Variants in NAIF1 observed in about 807,000 individuals in gnomAD.
The protein encoded by NAIF1 is nuclear apoptosis-inducing factor 1.
In NAIF1, 14 loss-of-function variants were observed where a neutral mutation model predicts 20.7. The ratio of observed to expected loss-of-function variants is 0.67; its 90% CI spans 0.45 to 1.05. The LOEUF is 1.05. NAIF1 is among the 50% of genes least tolerant of loss of function. The pLI is 0.00. For synonymous variants in NAIF1, 191 were observed against 191.4 expected (o/e 1.00, Z 0.02); for missense variants, 362 against 448.8 (o/e 0.81, Z 1.75).
At position 128,063,424 on chromosome 9, in the gene NAIF1, G is replaced by A; in HGVS notation, c.*4C>T. 6.2e-7 allele frequency: 1 copy of A among 1,603,794 alleles called. No homozygotes were observed. Among genetic ancestry groups the A allele is most frequent in the Non-Finnish European group, 8.5e-7 (1 of 1,177,882 alleles). ...ATGGCAGAAGGCTGGCCTGACCCCT[G>A]CCCTCACTGGATGATGCTGTCTGGC... On this transcript the variant is annotated 3_prime_UTR_variant, in exon 2 of 2. Transcript: ENST00000373078. The surrounding 1 kb of genome is among the most constrained non-coding windows in gnomAD (Gnocchi z 4.3).
chr9:128,063,526 A>T lies in NAIF1; in HGVS notation c.886T>A (p.Phe296Ile). 1 of 1,610,318 alleles carries T rather than the reference A, an allele frequency of 6.2e-7. No homozygotes were observed. Among genetic ancestry groups the T allele is most frequent in the Non-Finnish European group, 8.5e-7 (1 of 1,180,022 alleles). Residue 296 changes from phenylalanine (F) to isoleucine (I), a missense_variant, in exon 2 of 2, where the codon TTC (phenylalanine) becomes ATC (isoleucine). Physicochemically the swap from Phe to Ile is conservative, Grantham distance 21. Coordinates refer to ENST00000373078, the MANE Select transcript of NAIF1 (RefSeq NM_197956.4). The surrounding 1 kb of genome is among the most constrained non-coding windows in gnomAD (Gnocchi z 4.3). Reference protein sequence around the residue: ...IQVLRPMIKDFRRYLQSNTAN... With the variant: ...IQVLRPMIKDIRRYLQSNTAN... ...GTGTTGCTCTGCAGGTAGCGGCGGA[A>T]ATCTTTGATCATAGGCCGGAGGACC...
At position 128,067,277 on chromosome 9, in the gene NAIF1, GC is replaced by G. The variant is rs1216447554; in HGVS notation, c.-177del. The G allele has an allele frequency of 5.6e-6, 4 of 709,820 alleles. No homozygotes were observed. The African/African-American group carries it at 7.2e-5, about 13-fold the overall frequency. The allele number at this position is 709,820 out of a possible 1,614,324, so 44.0% of individuals were successfully genotyped here. A position where few individuals can be genotyped will look rare whatever the true frequency, so the allele number is the denominator to read the frequency against. Reference sequence around the variant, plus strand: ...CCCCTCGCTACGCAAAGTGCGTAGGGCCCAGCCCCGACCGGCCCGGCCGCTG... The same window carrying G: ...CCCCTCGCTACGCAAAGTGCGTAGGGCCAGCCCCGACCGGCCCGGCCGCTG... On this transcript the variant is annotated 5_prime_UTR_variant, in exon 1 of 2. Transcript: ENST00000373078.
chr9:128,065,423 G>A (rs1832766661), intron 1 of NAIF1, among the ~76,000 whole-genome samples: 1 of 152,092 alleles, frequency 6.6e-6, no homozygotes, highest in Non-Finnish European at 1.5e-5. Flanking sequence ...GCCCTTTGAT[G>A]CTTTCTTGAC....
Position 128,066,783 on chromosome 9 carries a change from G to GC in NAIF1, c.318dup (p.Pro107AlafsTer85). On this transcript the variant is annotated frameshift_variant, in exon 1 of 2. Transcript: ENST00000373078. LOFTEE classifies it high-confidence loss of function. ...CCACCACTGCCACCGCCTGTCCCAGGCCCCCCAGCTCCGTCCTCCTCAGTG... is the reference window on the plus strand; with the variant it reads ...CCACCACTGCCACCGCCTGTCCCAGGCCCCCCCAGCTCCGTCCTCCTCAGTG... 8 of 1,609,542 alleles carry GC rather than the reference G, an allele frequency of 5.0e-6. No individual in the cohort carries two copies. The highest frequency in any genetic ancestry group is 6.8e-6 in the Non-Finnish European group (8 of 1,177,452).
chr9:128,063,039 T>C lies in NAIF1; in HGVS notation c.*389A>G, dbSNP rs141616475. 807 of 223,054 alleles carry C rather than the reference T, an allele frequency of 3.6e-3. 5 individuals carry two copies. Among genetic ancestry groups the C allele is most frequent in the South Asian group, 6.7e-3 (74 of 10,978 alleles). 13.8% of individuals were successfully genotyped at this position (223,054 alleles called of 1,614,324 possible). ...TTACCCTACTCGAAAGGATGGCACC[T>C]GGGGTTGGGCAGCTCAGTAGAGACC... On this transcript the variant is annotated 3_prime_UTR_variant, in exon 2 of 2. Transcript: ENST00000373078. This position sits in a 1 kb window ranked among gnomAD's most constrained non-coding sequence, Gnocchi z 4.3.
In NAIF1 at chr9:128,062,642, C is replaced by T. The variant is rs1199036368; in HGVS notation, c.*786G>A. The T allele has an allele frequency of 6.6e-6, 1 of 152,202 alleles. No individual in the cohort carries two copies. The highest frequency in any genetic ancestry group is 2.4e-5 in the African/African-American group (1 of 41,444). The allele number at this position is 152,202 out of a possible 1,614,324, so 9.4% of individuals were successfully genotyped here. A position where few individuals can be genotyped will look rare whatever the true frequency, so the allele number is the denominator to read the frequency against. ...CCCACTGCAGTGGGGCAGCAAGCTT[C>T]CACACTAGTTGGCTTTCTCAAAAAT... On this transcript the variant is annotated 3_prime_UTR_variant, in exon 2 of 2. Transcript: ENST00000373078.
In NAIF1 at chr9:128,066,691, G is replaced by C; in HGVS notation, c.411C>G (p.Gly137=). Residue 137 remains glycine (G), a synonymous_variant, in exon 1 of 2, where the codon GGC becomes GGG. Coordinates refer to ENST00000373078, the MANE Select transcript of NAIF1 (RefSeq NM_197956.4). The part of the protein sequence containing the change: ...PMQQRICNLL[G]EATIISLPST... ...TGGGCAGGCTGATGATGGTGGCCTC[G>C]CCCAGCAGGTTGCAGATACGTTGTT... The C allele has an allele frequency of 6.2e-7, 1 of 1,609,938 alleles. No homozygotes were observed. The highest frequency in any genetic ancestry group is 8.5e-7 in the Non-Finnish European group (1 of 1,177,824).
Position 128,067,215 on chromosome 9 carries a change from G to T in NAIF1, c.-114C>A. The T allele has an allele frequency of 7.4e-7, 1 of 1,355,536 alleles. No homozygotes were observed. The highest frequency in any genetic ancestry group is 9.9e-7 in the Non-Finnish European group (1 of 1,005,610). 84.0% of individuals were successfully genotyped at this position (1,355,536 alleles called of 1,614,324 possible). ...CCCACCCCCTACAGGGGATAGGCCA[G>T]GCTTGCTCGAGGCCAAGCACTAGGC... On this transcript the variant is annotated 5_prime_UTR_variant, in exon 1 of 2. The change creates a new upstream start codon in the 5' untranslated region. Transcript: ENST00000373078.
At chr9:128,064,119 C>T (rs944836383) in intron 1 of NAIF1, among the ~76,000 whole-genome samples, 1 of 115,250 alleles carries the variant, frequency 8.7e-6, no homozygotes, top group East Asian at 2.9e-4. Context: ...GACGGAGTCT[C>T]GTTCTGTCGC....
Position 128,067,164 on chromosome 9 carries a change from C to T in NAIF1, c.-63G>A, listed in dbSNP as rs1832795184. 3 of 1,516,042 alleles carry T rather than the reference C, an allele frequency of 2.0e-6. No homozygotes were observed. The highest frequency in any genetic ancestry group is 2.7e-6 in the Non-Finnish European group (3 of 1,131,490). 93.9% of individuals were successfully genotyped at this position (1,516,042 alleles called of 1,614,324 possible). ...CCCCTCAAGCGCCCCAATTCCCCTT[C>T]TCTTCTTCCTCAGCCTCGCCCCTCA... is the stretch of plus-strand genomic sequence containing the variant. On this transcript the variant is annotated 5_prime_UTR_variant, in exon 1 of 2. Coordinates refer to ENST00000373078, the MANE Select transcript of NAIF1 (RefSeq NM_197956.4).
At position 128,063,789 on chromosome 9, in the gene NAIF1, T is replaced by G. The variant is rs1832746586; in HGVS notation, c.623A>C (p.His208Pro). ...PETPVDMMAQ[H>P]ADTSVKPQAL... ...TTGCGGCTTGACCGACGTGTCTGCA[T>G]GCTGGGCCATCATGTCCACAGGGGT... The change falls in exon 2 of 2, where the codon CAT becomes CCT. Residue 208 changes from histidine (H) to proline (P), a missense_variant. This residue lies in a region of NAIF1 where 300 missense variants were observed against 342.7 expected (regional missense o/e 0.88). Transcript: ENST00000373078. The surrounding 1 kb of genome is among the most constrained non-coding windows in gnomAD (Gnocchi z 4.3). 1 of 1,613,924 alleles carries G rather than the reference T, an allele frequency of 6.2e-7. No homozygotes were observed. Among genetic ancestry groups the G allele is most frequent in the Non-Finnish European group, 8.5e-7 (1 of 1,180,040 alleles).
Position 128,063,599 on chromosome 9 carries a change from C to G in NAIF1, c.813G>C (p.Gln271His). ...CCTGTGTGCCCTCCATGGCCTGGGC[C>G]TGGCGCTCCTGGGCACAGGCCTGCA... ...QEVQACAQER[Q>H]AQAMEGTQAA... Residue 271 changes from glutamine to histidine, a missense_variant, in exon 2 of 2, where the codon CAG becomes CAC. Physicochemically the swap from Gln to His is conservative, Grantham distance 24 (BLOSUM62 0). Transcript: ENST00000373078. The surrounding 1 kb of genome is among the most constrained non-coding windows in gnomAD (Gnocchi z 4.3). The G allele has an allele frequency of 1.2e-6, 2 of 1,613,294 alleles. No individual in the cohort carries two copies. The highest frequency in any genetic ancestry group is 1.7e-6 in the Non-Finnish European group (2 of 1,180,042).
rs947411724 is a variant in NAIF1, at chr9:128,062,347, T to C, written c.*1081A>G. ...TCCTCCTCCTACGTTCAGGGTCAAT[T>C]ATGGCTTTGGATTCACTCAGCTACT... On this transcript the variant is annotated 3_prime_UTR_variant, in exon 2 of 2. Coordinates refer to ENST00000373078, the MANE Select transcript of NAIF1 (RefSeq NM_197956.4). The C allele has an allele frequency of 6.6e-6, 1 of 152,402 alleles. No individual in the cohort carries two copies. The highest frequency in any genetic ancestry group is 3.4e-3 in the Middle Eastern group (1 of 296). 9.4% of individuals were successfully genotyped at this position (152,402 alleles called of 1,614,324 possible).
Position 128,061,265 on chromosome 9 carries a change from A to C in NAIF1, c.*2163T>G, listed in dbSNP as rs1039009374. 8 of 152,156 alleles carry C rather than the reference A, an allele frequency of 5.3e-5. No individual in the cohort carries two copies. The highest frequency in any genetic ancestry group is 1.9e-4 in the African/African-American group (8 of 41,438). 9.4% of individuals were successfully genotyped at this position (152,156 alleles called of 1,614,324 possible). On this transcript the variant is annotated 3_prime_UTR_variant, in exon 2 of 2. Coordinates refer to ENST00000373078, the MANE Select transcript of NAIF1 (RefSeq NM_197956.4). ...AAAAAAGTGATATGTCTTTAATTTA[A>C]AATTATGACCCGGAAATAACTAGTC...
In NAIF1 at chr9:128,066,606, C is replaced by G. The variant is rs201947011; in HGVS notation, c.496G>C (p.Val166Leu). 4.0e-5 allele frequency: 61 copies of G among 1,522,656 alleles called. No homozygotes were observed. The highest frequency in any genetic ancestry group is 5.2e-5 in the Non-Finnish European group (59 of 1,133,914). 94.3% of individuals were successfully genotyped at this position (1,522,656 alleles called of 1,614,324 possible). ...GPSATAAAAT[V>L]TLTQIPTETT... is the part of the protein sequence containing the mutation. Reference sequence around the variant, plus strand: ...GGTCACTCACTCTGTGTCAGGGTGACCGTGGCTGCGGCTGCGGTGGCCGAG... The same window carrying G: ...GGTCACTCACTCTGTGTCAGGGTGAGCGTGGCTGCGGCTGCGGTGGCCGAG... The change falls in exon 1 of 2, where the codon GTC (valine) becomes CTC (leucine). Residue 166 changes from valine (V) to leucine (L), a missense_variant. Val to Leu is a conservative substitution (Grantham distance 32). Transcript: ENST00000373078.
At position 128,063,117 on chromosome 9, in the gene NAIF1, G is replaced by T; in HGVS notation, c.*311C>A. ...GCCCGTTGTGTTGTTCCTTACAGTTGTCCAAGACCAAGGCTGGGTCATGTC... is the reference window on the plus strand; with the variant it reads ...GCCCGTTGTGTTGTTCCTTACAGTTTTCCAAGACCAAGGCTGGGTCATGTC... On this transcript the variant is annotated 3_prime_UTR_variant, in exon 2 of 2. Transcript: ENST00000373078. This position sits in a 1 kb window ranked among gnomAD's most constrained non-coding sequence, Gnocchi z 4.3. The T allele has an allele frequency of 2.6e-6, 1 of 391,188 alleles. No homozygotes were observed. The highest frequency in any genetic ancestry group is 4.8e-6 in the Non-Finnish European group (1 of 210,360). 24.2% of individuals were successfully genotyped at this position (391,188 alleles called of 1,614,324 possible).
At chr9:128,066,477 T>C in intron 1 of NAIF1, 114 bp downstream of exon 1, 1 of 1,189,148 alleles carries the variant, frequency 8.4e-7, no homozygotes, top group Non-Finnish European at 1.1e-6. Flanking sequence ...CTCATGGTCT[T>C]CCAAGACCCC....
intron 1 of NAIF1, 56 bp downstream of exon 1, chr9:128,066,535 G>C (rs1454268231): frequency 6.8e-7 from 1 of 1,467,112 alleles, no homozygotes. Flanking sequence ...GGCCACCCCA[G>C]AGCTTGCTGG....
chr9:128,066,482 G>T, intron 1 of NAIF1, 109 bp downstream of exon 1: 1 of 1,208,598 alleles, frequency 8.3e-7, no homozygotes, highest in Non-Finnish European at 1.1e-6. Flanking sequence ...GGTCTTCCAA[G>T]ACCCCCATCT....
Sources: allele counts gnomAD v4.1 joint callset (sites outside exome capture counted in the v4.1 genomes callset), GRCh38; gene constraint gnomAD v4.1.1; regional missense constraint gnomAD v4.1.1; non-coding constraint Gnocchi (gnomAD v3.1); transcripts MANE v1.5; gene names NCBI Gene and HGNC (gene_info 2026-07-23, HGNC 2026-07-21).